The following TTBK2 variants were observed in gnomAD, a reference collection of about 807,000 sequenced individuals.
TTBK2 encodes the protein tau-tubulin kinase 2.
In TTBK2, 28 loss-of-function variants were observed where a neutral mutation model predicts 110.8. The observed-to-expected ratio is 0.25, with a 90% CI of 0.19 to 0.35. TTBK2 has a LOEUF of 0.35. TTBK2 is among the 10% of genes least tolerant of loss of function. The pLI is 1.00. For synonymous variants in TTBK2, 532 were observed against 527.3 expected (o/e 1.01, Z -0.12); for missense variants, 1,369 against 1,500.3 (o/e 0.91, Z 1.45).
chr15:42,776,626 CT>C (rs1889937314), intron 12 of TTBK2, among the ~76,000 whole-genome samples: 1 of 152,222 alleles, frequency 6.6e-6, no homozygotes, highest in Non-Finnish European at 1.5e-5. Flanking sequence ...GTATGAATTA[CT>C]TTTTCCCCTC....
In TTBK2 at chr15:42,752,915, A is replaced by G; in HGVS notation, c.2331T>C (p.Thr777=). 6.2e-7 allele frequency: 1 copy of G among 1,614,176 alleles called. No homozygotes were observed. The highest frequency in any genetic ancestry group is 8.5e-7 in the Non-Finnish European group (1 of 1,180,030). Residue 777 remains threonine, a synonymous_variant, in exon 14 of 15, where the codon ACT becomes ACC. Transcript: ENST00000267890. The part of the protein sequence containing the change: ...VREFENLPGE[T]EEKSILLESD... Reference sequence around the variant, plus strand: ...ACTCTAAAAGGATGCTTTTCTCTTCAGTTTCCCCAGGGAGATTTTCAAATT... The same window carrying G: ...ACTCTAAAAGGATGCTTTTCTCTTCGGTTTCCCCAGGGAGATTTTCAAATT...
chr15:42,811,725 A>G lies in TTBK2; in HGVS notation c.659T>C (p.Val220Ala), dbSNP rs199517778. ...TTTTCTCCAGGGCAGCTGACCAACC[A>G]CAAACTCCACCAACATGTAGAATAA... is the stretch of plus-strand genomic sequence containing the variant. ...WSLFYMLVEF[V>A]VGQLPWRKIK... Residue 220 changes from valine (V) to alanine (A), a missense_variant, in exon 8 of 15, where the codon GTG becomes GCG. Val to Ala is a moderately conservative substitution (Grantham distance 64). Around this residue, in one of 4 missense-constraint regions of TTBK2, gnomAD observed 138 missense variants for 179.0 expected, o/e 0.77. Coordinates refer to ENST00000267890, the MANE Select transcript of TTBK2 (RefSeq NM_173500.4). 1.4e-5 allele frequency: 23 copies of G among 1,613,758 alleles called. No homozygotes were observed. The highest frequency in any genetic ancestry group is 1.9e-5 in the Non-Finnish European group (22 of 1,179,816).
intron 9 of TTBK2, among the ~76,000 whole-genome samples, chr15:42,805,053 T>C (rs531907368): frequency 1.3e-5 from 2 of 152,324 alleles, no homozygotes; most frequent in South Asian, 4.1e-4. Context: ...TGTGACTCTA[T>C]TGTATTCTAT....
intron 1 of TTBK2, chr15:42,919,872 TG>T (rs1489269532): frequency 1.0e-6 from 1 of 960,844 alleles, no homozygotes; most frequent in East Asian, 1.1e-4. Context: ...GTGAGTCTTT[TG>T]TCCCTCCCAC....
intron 3 of TTBK2, among the ~76,000 whole-genome samples, chr15:42,845,080 T>A (rs1893391931): frequency 6.6e-6 from 1 of 152,192 alleles, no homozygotes; most frequent in East Asian, 1.9e-4. Flanking sequence ...AGGCTTCACA[T>A]AAGCATTAAA....
At chr15:42,834,463 T>G (rs966214468) in intron 4 of TTBK2, among the ~76,000 whole-genome samples, 1 of 152,140 alleles carries the variant, frequency 6.6e-6, no homozygotes, top group Non-Finnish European at 1.5e-5. Flanking sequence ...AAATGGCTGA[T>G]TCCAGATCTG....
At position 42,794,997 on chromosome 15, in the gene TTBK2, G is replaced by T. The variant is rs1483533803; in HGVS notation, c.823-196C>A. On this transcript the variant is annotated intron_variant, in intron 9 of 14. Transcript: ENST00000267890. ...GAATTAATGTTGATTTTTCTCCGTT[G>T]TGTAGAATGTTTCTGTTTTCGAGGG... 4.5e-6 allele frequency: 3 copies of T among 674,110 alleles called. No individual in the cohort carries two copies. The African/African-American group carries it at 5.4e-5, about 12-fold the overall frequency. The allele number at this position is 674,110 out of a possible 1,614,324, so 41.8% of individuals were successfully genotyped here.
Position 42,765,883 on chromosome 15 carries a change from C to A in TTBK2, c.1998+9252G>T, listed in dbSNP as rs142985692. Reference sequence around the variant, plus strand: ...CAGCCAGAGAGAAAGGGCCAGGTTACCCACAGAGGGAAGCCCATCAGACTA... The same window carrying A: ...CAGCCAGAGAGAAAGGGCCAGGTTAACCACAGAGGGAAGCCCATCAGACTA... On this transcript the variant is annotated intron_variant, in intron 13 of 14. Transcript: ENST00000267890. Among the ~76,000 whole-genome samples the A allele has an allele frequency of 1.7e-4, 26 of 152,304 alleles. No homozygotes were observed. The East Asian group carries it at 5.0e-3, about 29-fold the overall frequency.
At chr15:42,746,329 A>C in intron 14 of TTBK2, 72 bp from the exon 15 acceptor site, 1 of 1,177,370 alleles carries the variant, frequency 8.5e-7, no homozygotes, top group Admixed American at 2.1e-5. Flanking sequence ...ACAATGTCCC[A>C]AAATCATAAT....
chr15:42,889,612 G>A (rs1228005262), intron 1 of TTBK2, among the ~76,000 whole-genome samples: 1 of 152,086 alleles, frequency 6.6e-6, no homozygotes, highest in African/African-American at 2.4e-5. Flanking sequence ...TGGATGTCTT[G>A]GGTCCTCCCA....
At position 42,775,437 on chromosome 15, in the gene TTBK2, T is replaced by G; in HGVS notation, c.1696A>C (p.Thr566Pro). ...GTTTTATGTCCTACAGCCTCATTTG[T>G]CCTAAAATCCTGAAGGTCCTGCTCC... ...DKEQDLQDFRTNEAVGHKTTG... is the reference protein window; with the variant it reads ...DKEQDLQDFRPNEAVGHKTTG... The change falls in exon 13 of 15, where the codon ACA (threonine) becomes CCA (proline). Residue 566 changes from threonine (T) to proline (P), a missense_variant. Thr to Pro is a conservative substitution (Grantham distance 38). Coordinates refer to ENST00000267890, the MANE Select transcript of TTBK2 (RefSeq NM_173500.4). 6.2e-7 allele frequency: 1 copy of G among 1,614,244 alleles called. No individual in the cohort carries two copies. Among genetic ancestry groups the G allele is most frequent in the Non-Finnish European group, 8.5e-7 (1 of 1,180,040 alleles).
chr15:42,768,566 C>CATA (rs1441929980), intron 13 of TTBK2, among the ~76,000 whole-genome samples: 2 of 152,116 alleles, frequency 1.3e-5, no homozygotes, highest in Non-Finnish European at 2.9e-5. Flanking sequence ...TATGAAGGAC[C>CATA]TCTTCAAGGA....
intron 9 of TTBK2, chr15:42,800,339 C>A: frequency 2.4e-6 from 1 of 425,384 alleles, no homozygotes; most frequent in South Asian, 1.7e-5. Flanking sequence ...TACCCTTATT[C>A]TTTATGGCAA....
Position 42,752,325 on chromosome 15 carries a change from T to C in TTBK2, c.2921A>G (p.Tyr974Cys). 6.2e-7 allele frequency: 1 copy of C among 1,614,224 alleles called. No homozygotes were observed. Among genetic ancestry groups the C allele is most frequent in the South Asian group, 1.1e-5 (1 of 91,074 alleles). ...CAGAAGCTTGACTAGGTCTGGCTGATAGGCTTTCTTTTGGAGGAGCTTTTC... is the reference window on the plus strand; with the variant it reads ...CAGAAGCTTGACTAGGTCTGGCTGACAGGCTTTCTTTTGGAGGAGCTTTTC... ...AKEKLLQKKA[Y>C]QPDLVKLLVE... The change falls in exon 14 of 15, where the codon TAT (tyrosine) becomes TGT (cysteine). Residue 974 changes from tyrosine (Y) to cysteine (C), a missense_variant. Around this residue, in one of 4 missense-constraint regions of TTBK2, gnomAD observed 1,097 missense variants for 1,114.7 expected, o/e 0.98. Coordinates refer to ENST00000267890, the MANE Select transcript of TTBK2 (RefSeq NM_173500.4).
intron 13 of TTBK2, among the ~76,000 whole-genome samples, chr15:42,770,784 AAG>A (rs1302955749): frequency 6.6e-6 from 1 of 152,106 alleles, no homozygotes; most frequent in Non-Finnish European, 1.5e-5. Flanking sequence ...AACCAACCCA[AAG>A]AGTCTTCACC....
chr15:42,841,806 A>G (rs1369955697), intron 3 of TTBK2, among the ~76,000 whole-genome samples: 4 of 152,208 alleles, frequency 2.6e-5, no homozygotes, highest in African/African-American at 4.8e-5. Context: ...AAATTAAATG[A>G]AAAGTTGTAT....
At chr15:42,896,001 A>T (rs529598962) in intron 1 of TTBK2, among the ~76,000 whole-genome samples, 1 of 152,106 alleles carries the variant, frequency 6.6e-6, no homozygotes, top group African/African-American at 2.4e-5. Flanking sequence ...GGGCCAAATG[A>T]TATTTGACAA....
chr15:42,893,541 CG>C (rs1041698817), intron 1 of TTBK2, among the ~76,000 whole-genome samples: 5 of 150,850 alleles, frequency 3.3e-5, no homozygotes, highest in Non-Finnish European at 7.4e-5. Flanking sequence ...AAAATAAGCA[CG>C]GAAGTTTCAA....
chr15:42,810,555 G>T (rs1429138616), intron 9 of TTBK2, 59 bp downstream of exon 9: 1 of 1,605,694 alleles, frequency 6.2e-7, no homozygotes, highest in Admixed American at 1.7e-5. Context: ...GCTACAATGA[G>T]TGAAAGCATA....
Sources: allele counts gnomAD v4.1 joint callset (sites outside exome capture counted in the v4.1 genomes callset), GRCh38; gene constraint gnomAD v4.1.1; regional missense constraint gnomAD v4.1.1; transcripts MANE v1.5; gene names NCBI Gene and HGNC (gene_info 2026-07-23, HGNC 2026-07-21).